The following TARBP1 variants were observed in gnomAD, a reference collection of about 807,000 sequenced individuals.
TARBP1 encodes tRNA (guanosine(18)-2'-O)-methyltransferase TARBP1.
Under a neutral mutation model 178.6 loss-of-function variants are expected in TARBP1, and 144 were observed. The observed-to-expected ratio is 0.81, with a 90% CI of 0.70 to 0.93. The LOEUF (loss-of-function observed/expected upper bound fraction) is 0.93. Ranked by LOEUF, TARBP1 falls within the 40% of genes least tolerant of loss-of-function variation. TARBP1 has a pLI of 0.00. For synonymous variants in TARBP1, 787 were observed against 781.0 expected, an observed-to-expected ratio of 1.01 and a Z score of -0.13; for missense variants, 2,067 against 2,011.7, an observed-to-expected ratio of 1.03 and a Z score of -0.53.
intron 25 of TARBP1, among the ~76,000 whole-genome samples, chr1:234,398,924 C>A (rs1047277209): frequency 6.6e-6 from 1 of 152,184 alleles, no homozygotes; most frequent in African/African-American, 2.4e-5. Context: ...CAATCAAGTT[C>A]AAGCTCTTTT....
At chr1:234,434,091 T>C (rs140822958) in intron 13 of TARBP1, among the ~76,000 whole-genome samples, 3,514 of 152,286 alleles carry the variant, frequency 0.023, 56 homozygotes, top group South Asian at 0.062. Flanking sequence ...CCCTGTGACA[T>C]AGGACAAGTT....
At chr1:234,402,622 T>C (rs1213486072) in intron 24 of TARBP1, among the ~76,000 whole-genome samples, 1 of 152,076 alleles carries the variant, frequency 6.6e-6, no homozygotes, top group African/African-American at 2.4e-5. Context: ...GTTGCCAGGC[T>C]GGAGTGCAGT....
chr1:234,474,798 G>A (rs1669429863), intron 1 of TARBP1, among the ~76,000 whole-genome samples: 1 of 152,152 alleles, frequency 6.6e-6, no homozygotes, highest in South Asian at 2.1e-4. Context: ...TTGCTCATTA[G>A]GACATAGAAA....
chr1:234,438,450 A>T (rs1027190649), intron 12 of TARBP1, among the ~76,000 whole-genome samples: 1 of 152,218 alleles, frequency 6.6e-6, no homozygotes, highest in East Asian at 1.9e-4. Flanking sequence ...GAAACAGAAG[A>T]TATATAGAAA....
intron 1 of TARBP1, among the ~76,000 whole-genome samples, chr1:234,477,839 C>G (rs1024147934): frequency 6.6e-6 from 1 of 152,072 alleles, no homozygotes; most frequent in African/African-American, 2.4e-5. Flanking sequence ...AGATATCAAC[C>G]GTTTCTATTG....
In TARBP1 at chr1:234,478,323, G is replaced by T; in HGVS notation, c.781C>A (p.Arg261Ser). ...ACCGTCCTCCAGAAGCGCCAGCAGC[G>T]CCGGGCGTCCGGGCCCGCCTCGCGC... ...GAREAGPDAR[R>S]CWRFWRTVQA... Residue 261 changes from arginine to serine, a missense_variant, in exon 1 of 30, where the codon CGC (arginine) becomes AGC (serine). By Grantham distance (110) the Arg-to-Ser change is moderately radical. Transcript: ENST00000040877. The T allele has an allele frequency of 7.2e-7, 1 of 1,384,650 alleles. No homozygotes were observed. The highest frequency in any genetic ancestry group is 9.4e-7 in the Non-Finnish European group (1 of 1,069,174). The allele number at this position is 1,384,650 out of a possible 1,614,324, so 85.8% of individuals were successfully genotyped here.
intron 19 of TARBP1, 50 bp downstream of exon 19, chr1:234,427,267 A>G: frequency 7.5e-7 from 1 of 1,341,528 alleles, no homozygotes; most frequent in Non-Finnish European, 1.1e-6. Context: ...ATGATGTTAA[A>G]TTTTTAGTAT....
intron 21 of TARBP1, among the ~76,000 whole-genome samples, chr1:234,420,365 C>A (rs776486556): frequency 6.6e-6 from 1 of 152,120 alleles, no homozygotes; most frequent in African/African-American, 2.4e-5. Flanking sequence ...TCCAAAATAA[C>A]GTAGCTACAG....
At chr1:234,430,396 T>A in intron 14 of TARBP1, 95 bp from the exon 15 acceptor site, 1 of 1,078,166 alleles carries the variant, frequency 9.3e-7, no homozygotes, top group Non-Finnish European at 1.3e-6. Flanking sequence ...CAAGCTCTCC[T>A]TTTCCCTCTT....
At position 234,418,899 on chromosome 1, in the gene TARBP1, A is replaced by G. The variant is rs182325364; in HGVS notation, c.3556-666T>C. 2.0e-4 allele frequency among the ~76,000 whole-genome samples: 31 copies of G among 152,338 alleles called. No individual in the cohort carries two copies. The East Asian group carries it at 5.6e-3, about 27-fold the overall frequency. ...TAAAAGTAATATGTATTGGCCGGGC[A>G]CAGTGGCTCATGCCTGTAATCCCAG... On this transcript the variant is annotated intron_variant, in intron 21 of 29. Transcript: ENST00000040877.
rs1266551070 is a variant in TARBP1 at position 234,429,688 on chromosome 1, A to C, written c.2610-11T>G. 6.3e-7 allele frequency: 1 copy of C among 1,583,812 alleles called. No homozygotes were observed. Among genetic ancestry groups the C allele is most frequent in the Admixed American group, 1.8e-5 (1 of 55,634 alleles). Reference sequence around the variant, plus strand: ...GATTCTTCCAAAACACTGAAATAAAAAATAAAGTTACTAGGCCATACTTCC... The same window carrying C: ...GATTCTTCCAAAACACTGAAATAAACAATAAAGTTACTAGGCCATACTTCC... On this transcript the variant is annotated splice_polypyrimidine_tract_variant and intron_variant, in intron 15 of 29. Coordinates refer to ENST00000040877, the MANE Select transcript of TARBP1 (RefSeq NM_005646.4).
chr1:234,447,498 G>A (rs1297702770), intron 11 of TARBP1, among the ~76,000 whole-genome samples: 2 of 148,666 alleles, frequency 1.3e-5, no homozygotes, highest in South Asian at 2.1e-4. Context: ...AGGCTCAAGC[G>A]ATCTTCCCAC....
At chr1:234,446,185 G>T (rs1295543018) in intron 12 of TARBP1, among the ~76,000 whole-genome samples, 2 of 152,116 alleles carry the variant, frequency 1.3e-5, no homozygotes, top group Non-Finnish European at 2.9e-5. Context: ...GGTCAGGAAG[G>T]ACTGGGAGGT....
Position 234,392,450 on chromosome 1 carries a change from A to G in TARBP1, c.4663T>C (p.Tyr1555His). Residue 1555 changes from tyrosine (Y) to histidine (H), a missense_variant, in exon 29 of 30, where the codon TAT becomes CAT. Tyr to His is a moderately conservative substitution (Grantham distance 83). Transcript: ENST00000040877. ...QTAKSLDLTQ[Y>H]CFPEKSLLLL... is the part of the protein sequence containing the mutation. ...AGCAGAGATTTCTCAGGAAAGCAAT[A>G]TTGGGTTAGGTCTAAACTTTTGGCA... 1 of 1,614,214 alleles carries G rather than the reference A, an allele frequency of 6.2e-7. No individual in the cohort carries two copies. The highest frequency in any genetic ancestry group is 8.5e-7 in the Non-Finnish European group (1 of 1,180,040).
At chr1:234,466,570 G>GAAA (rs1046912312) in intron 4 of TARBP1, among the ~76,000 whole-genome samples, 1 of 150,706 alleles carries the variant, frequency 6.6e-6, no homozygotes, top group African/African-American at 2.4e-5. Context: ...TTTTAAAAAA[G>GAAA]AAGAAGAAGA....
At chr1:234,402,477 AT>A (rs1204720740) in intron 24 of TARBP1, among the ~76,000 whole-genome samples, 1 of 152,220 alleles carries the variant, frequency 6.6e-6, no homozygotes, top group Non-Finnish European at 1.5e-5. Flanking sequence ...TATTTTAAAT[AT>A]TCCGAATATT....
chr1:234,479,116 C>T lies in TARBP1; in HGVS notation c.-13G>A, dbSNP rs191618757. The stretch of plus-strand genomic sequence containing the variant: ...GCACCCACTCCATTTGCCGAGCGCC[C>T]GCGCCACCGGCCCGGGCTCCCAAAG... On this transcript the variant is annotated 5_prime_UTR_variant, in exon 1 of 30. Coordinates refer to ENST00000040877, the MANE Select transcript of TARBP1 (RefSeq NM_005646.4). 3.3e-6 allele frequency: 5 copies of T among 1,522,978 alleles called. No individual in the cohort carries two copies. Among genetic ancestry groups the T allele is most frequent in the Non-Finnish European group, 4.4e-6 (5 of 1,148,940 alleles). The allele number at this position is 1,522,978 out of a possible 1,614,324, so 94.3% of individuals were successfully genotyped here. A position where few individuals can be genotyped will look rare whatever the true frequency, so the allele number is the denominator to read the frequency against.
intron 23 of TARBP1, 31 bp downstream of exon 23, chr1:234,410,414 G>C (rs773115354): frequency 5.5e-6 from 7 of 1,275,178 alleles, no homozygotes; most frequent in Middle Eastern, 3.9e-4. Flanking sequence ...TTTTTTTACA[G>C]TCAAGTTTAA....
At position 234,429,131 on chromosome 1, in the gene TARBP1, G is replaced by A. The variant is rs1184348978; in HGVS notation, c.3060+5C>T. 1.3e-6 allele frequency: 2 copies of A among 1,558,614 alleles called. No homozygotes were observed. The highest frequency in any genetic ancestry group is 1.7e-6 in the Non-Finnish European group (2 of 1,161,434). ...GAAAAGCAAAAAGAAAAGAAAGTTA[G>A]TTACCTCTTTTATTTTGAAATATGC... On this transcript the variant is annotated splice_donor_5th_base_variant and intron_variant, in intron 17 of 29. Coordinates refer to ENST00000040877, the MANE Select transcript of TARBP1 (RefSeq NM_005646.4).
Sources: gnomAD v4.1 joint callset for allele counts (sites outside exome capture counted in the v4.1 genomes callset) on GRCh38, gnomAD v4.1.1 for gene constraint, MANE v1.5 for transcripts, NCBI Gene and HGNC (gene_info 2026-07-23, HGNC 2026-07-21) for gene names.